Variants in ZMIZ1 observed in about 807,000 individuals in gnomAD.
The protein encoded by ZMIZ1 is zinc finger MIZ-type containing 1.
A neutral mutation model predicts 113.9 loss-of-function variants in ZMIZ1; 17 were observed. That is an observed-to-expected ratio of 0.15 (90% confidence interval 0.10 to 0.22). The LOEUF is 0.22. ZMIZ1 is among the 10% of genes least tolerant of loss of function. ZMIZ1 has a pLI of 1.00. For synonymous variants in ZMIZ1, 607 were observed against 603.1 expected (o/e 1.01, Z -0.09); for missense variants, 1,059 against 1,477.8 (o/e 0.72, Z 4.65).
intron 7 of ZMIZ1, among the ~76,000 whole-genome samples, chr10:79,227,017 C>G (rs1849224551): frequency 1.3e-5 from 2 of 152,168 alleles, no homozygotes; most frequent in East Asian, 1.9e-4. Flanking sequence ...CATATCTACC[C>G]CATTTTACAG....
intron 4 of ZMIZ1, among the ~76,000 whole-genome samples, chr10:79,191,589 G>A (rs1406879132): frequency 6.6e-6 from 1 of 152,188 alleles, no homozygotes; most frequent in African/African-American, 2.4e-5. Flanking sequence ...GGACGGGCCT[G>A]TGACTCCCTA....
At chr10:79,161,737 A>C (rs981958819) in intron 3 of ZMIZ1, among the ~76,000 whole-genome samples, 1 of 152,196 alleles carries the variant, frequency 6.6e-6, no homozygotes, top group Non-Finnish European at 1.5e-5. Context: ...TTGTTGAATG[A>C]ATGAGTGAAT....
At chr10:79,218,527 A>G (rs1045675225) in intron 7 of ZMIZ1, among the ~76,000 whole-genome samples, 1 of 152,048 alleles carries the variant, frequency 6.6e-6, no homozygotes, top group Non-Finnish European at 1.5e-5. Flanking sequence ...GTGATTAACT[A>G]TACTTCTTGA....
rs187756871 is a variant in ZMIZ1, at chr10:79,267,854, A to G, written c.281-9327A>G. Among the ~76,000 whole-genome samples, 17 of 152,050 alleles carry G rather than the reference A, an allele frequency of 1.1e-4. No homozygotes were observed. The East Asian group carries it at 3.3e-3, about 29-fold the overall frequency. On this transcript the variant is annotated intron_variant, in intron 7 of 24. Transcript: ENST00000334512. The stretch of plus-strand genomic sequence containing the variant: ...CTCTTAGTGTCTGTCCATTTTAGAG[A>G]TTTGATGAGGAGTCCAGGCCCGTGT...
At chr10:79,241,883 A>G (rs1849848908) in intron 7 of ZMIZ1, among the ~76,000 whole-genome samples, 1 of 152,158 alleles carries the variant, frequency 6.6e-6, no homozygotes, top group African/African-American at 2.4e-5. Flanking sequence ...TGGCCAGGGC[A>G]GCAGGGCACG....
intron 7 of ZMIZ1, among the ~76,000 whole-genome samples, chr10:79,219,443 ATAAG>A (rs1848872088): frequency 6.6e-6 from 1 of 152,194 alleles, no homozygotes; most frequent in South Asian, 2.1e-4. Context: ...CACCCAACTC[ATAAG>A]TAATAGGCTG....
chr10:79,168,888 G>C (rs1015141567), intron 4 of ZMIZ1, among the ~76,000 whole-genome samples: 14 of 152,198 alleles, frequency 9.2e-5, no homozygotes, highest in African/African-American at 3.4e-4. Context: ...GGAGCTGACT[G>C]GTTAACGGAG....
intron 1 of ZMIZ1, among the ~76,000 whole-genome samples, chr10:79,088,476 A>G (rs976974474): frequency 2.0e-5 from 3 of 152,222 alleles, no homozygotes; most frequent in Non-Finnish European, 4.4e-5. Flanking sequence ...AGGCCTGCCT[A>G]GGCACGGCCC....
At position 79,155,879 on chromosome 10, in the gene ZMIZ1, C is replaced by T. The variant is rs71479652; in HGVS notation, c.-130-6174C>T. Among the ~76,000 whole-genome samples the T allele has an allele frequency of 4.0e-3, 615 of 152,378 alleles. 1 individual carries two copies. The highest frequency in any genetic ancestry group is 6.2e-3 in the Non-Finnish European group (423 of 68,032). ...CCTGCCTGAAAGACTGCCCGAGGGA[C>T]GGTGGCTCTGCCCCCCATTTTGCTT... On this transcript the variant is annotated intron_variant, in intron 3 of 24. Coordinates refer to ENST00000334512, the MANE Select transcript of ZMIZ1 (RefSeq NM_020338.4).
rs546657923 is a variant in ZMIZ1 at position 79,298,476 on chromosome 10, C to A, written c.1562C>A (p.Thr521Asn). 5 of 1,606,104 alleles carry A rather than the reference C, an allele frequency of 3.1e-6. No individual in the cohort carries two copies. In the East Asian group the frequency reaches 9.1e-5, roughly 29 times the overall value. The change falls in exon 15 of 25, where the codon ACC becomes AAC. Residue 521 changes from threonine (T) to asparagine (N), a missense_variant. Around this residue, in one of 6 missense-constraint regions of ZMIZ1, gnomAD observed 239 missense variants for 247.5 expected, o/e 0.97. Transcript: ENST00000334512. The part of the protein sequence containing the change: ...PVPGNPTPPM[T>N]PGSSIPPYLS... ...CCAGGGAACCCCACACCCCCCATGACCCCTGGGAGCAGCATCCCTCCATAC... is the reference window on the plus strand; with the variant it reads ...CCAGGGAACCCCACACCCCCCATGAACCCTGGGAGCAGCATCCCTCCATAC...
At chr10:79,228,743 C>T (rs1849284496) in intron 7 of ZMIZ1, among the ~76,000 whole-genome samples, 1 of 152,206 alleles carries the variant, frequency 6.6e-6, no homozygotes, top group Non-Finnish European at 1.5e-5. Flanking sequence ...CAGCTAGCTT[C>T]TGGTATGGGG....
intron 4 of ZMIZ1, among the ~76,000 whole-genome samples, chr10:79,176,763 G>T (rs966686591): frequency 2.0e-5 from 3 of 152,178 alleles, no homozygotes; most frequent in Admixed American, 6.5e-5. Context: ...CATCAACCCC[G>T]TTGGGAATTT....
At chr10:79,303,454 CAAAAAAAAAAAA>C (rs34154193) in intron 18 of ZMIZ1, among the ~76,000 whole-genome samples, 1 of 65,950 alleles carries the variant, frequency 1.5e-5, no homozygotes, top group Non-Finnish European at 2.8e-5. Flanking sequence ...GACACTGCCA[CAAAAAAAAAAAA>C]AAAAAAAAAA....
intron 2 of ZMIZ1, among the ~76,000 whole-genome samples, chr10:79,120,694 C>A (rs11002833): frequency 0.055 from 8,354 of 151,600 alleles, 327 homozygotes; most frequent in East Asian, 0.18. Flanking sequence ...CAATTTTGGG[C>A]ACTCTGCAGG....
chr10:79,258,834 G>A (rs1358605072), intron 7 of ZMIZ1, among the ~76,000 whole-genome samples: 1 of 152,196 alleles, frequency 6.6e-6, no homozygotes, highest in Non-Finnish European at 1.5e-5. Flanking sequence ...TGAGTATCTG[G>A]AGTGGGTGAT....
intron 1 of ZMIZ1, among the ~76,000 whole-genome samples, chr10:79,094,965 AAAAAG>A (rs1485486668): frequency 6.7e-6 from 1 of 149,746 alleles, no homozygotes; most frequent in African/African-American, 2.4e-5. Context: ...AAAAAAAAAA[AAAAAG>A]AGAGAGAGAG....
At chr10:79,105,273 G>A (rs529822199) in intron 1 of ZMIZ1, among the ~76,000 whole-genome samples, 1 of 152,286 alleles carries the variant, frequency 6.6e-6, no homozygotes, top group Admixed American at 6.5e-5. Flanking sequence ...CCTCCGTGTG[G>A]CATAGAGAAG....
At chr10:79,148,874 C>A (rs1845601051) in intron 3 of ZMIZ1, among the ~76,000 whole-genome samples, 1 of 152,208 alleles carries the variant, frequency 6.6e-6, no homozygotes, top group Non-Finnish European at 1.5e-5. Context: ...CCAATTGAGT[C>A]CCTCCCGGGC....
intron 21 of ZMIZ1, 35 bp downstream of exon 21, chr10:79,305,636 A>G: frequency 6.9e-7 from 1 of 1,443,898 alleles, no homozygotes; most frequent in Non-Finnish European, 9.7e-7. Context: ...AGGGGGTGGG[A>G]GGGGACGAGG....
Sources: gnomAD v4.1 joint callset for allele counts (sites outside exome capture counted in the v4.1 genomes callset) on GRCh38, gnomAD v4.1.1 for gene constraint, gnomAD v4.1.1 regional missense constraint, MANE v1.5 for transcripts, NCBI Gene and HGNC (gene_info 2026-07-23, HGNC 2026-07-21) for gene names.